Variants in RBMS3 observed in about 807,000 individuals in gnomAD.
RBMS3 encodes the protein RNA-binding motif, single-stranded-interacting protein 3.
A neutral mutation model predicts 66.8 loss-of-function variants in RBMS3; 27 were observed. The ratio of observed to expected loss-of-function variants is 0.40; its 90% CI spans 0.30 to 0.56. The LOEUF is 0.56. Ranked by LOEUF, RBMS3 falls within the 20% of genes least tolerant of loss-of-function variation. The pLI, the probability that RBMS3 is intolerant of heterozygous loss-of-function variation, is 0.40. For synonymous variants in RBMS3, 188 were observed against 183.0 expected (o/e 1.03, Z -0.22); for missense variants, 513 against 549.5 (o/e 0.93, Z 0.66).
rs929850721 is a variant in RBMS3 at position 29,391,140 on chromosome 3, C to A, written c.76-43603C>A. ...GAAACCCCAAAAAAATGGTTAGTTG[C>A]AGTTGTGTAGTAGTTAAGGTCTATG... On this transcript the variant is annotated intron_variant, in intron 1 of 14. Coordinates refer to ENST00000383767, the MANE Select transcript of RBMS3 (RefSeq NM_001003793.3). The A allele has an allele frequency of 1.9e-4, 36 of 191,810 alleles. 2 individuals carry two copies. Among genetic ancestry groups the A allele is most frequent in the Middle Eastern group, 2.4e-3 (1 of 418 alleles). The allele number at this position is 191,810 out of a possible 1,614,324, so 11.9% of individuals were successfully genotyped here.
intron 6 of RBMS3, among the ~76,000 whole-genome samples, chr3:29,810,278 T>A (rs2057693164): frequency 6.6e-6 from 1 of 152,090 alleles, no homozygotes; most frequent in Non-Finnish European, 1.5e-5. Context: ...ATTCTCTACA[T>A]CTCCAGTTAT....
At chr3:29,815,759 TATA>T (rs1428900495) in intron 6 of RBMS3, among the ~76,000 whole-genome samples, 2 of 151,502 alleles carry the variant, frequency 1.3e-5, no homozygotes, top group Non-Finnish European at 2.9e-5. Flanking sequence ...ATAAAAATGA[TATA>T]ATGGACTTCG....
intron 4 of RBMS3, among the ~76,000 whole-genome samples, chr3:29,697,681 G>A (rs1201538206): frequency 6.6e-6 from 1 of 152,156 alleles, no homozygotes; most frequent in Non-Finnish European, 1.5e-5. Context: ...TAAACACAGA[G>A]TTTGTTTATG....
rs182700082 is a variant in RBMS3, at chr3:29,448,115, A to G, written c.248+13200A>G. On this transcript the variant is annotated intron_variant, in intron 2 of 14. Transcript: ENST00000383767. ...TGACCTGCATGTCTCAACACAGAAC[A>G]GTGGTGCAATTGCACAGTGAACTCT... 2.6e-4 allele frequency among the ~76,000 whole-genome samples: 40 copies of G among 152,266 alleles called. 1 individual carries two copies. In the East Asian group the frequency reaches 7.7e-3, roughly 29 times the overall value.
intron 4 of RBMS3, among the ~76,000 whole-genome samples, chr3:29,668,116 A>G (rs1009958504): frequency 1.3e-5 from 2 of 152,252 alleles, no homozygotes; most frequent in Admixed American, 1.3e-4. Context: ...TCCAGACAGA[A>G]AAACACAAAA....
chr3:29,355,536 T>C lies in RBMS3; in HGVS notation c.75+73780T>C, dbSNP rs575454659. Among the ~76,000 whole-genome samples, 4 of 151,220 alleles carry C rather than the reference T, an allele frequency of 2.6e-5. No individual in the cohort carries two copies. In the South Asian group the frequency reaches 6.3e-4, roughly 24 times the overall value. On this transcript the variant is annotated intron_variant, in intron 1 of 14. Coordinates refer to ENST00000383767, the MANE Select transcript of RBMS3 (RefSeq NM_001003793.3). ...TTTTTAACCAAACGAGGTGATTCCT[T>C]ATGGGAAAATATATACAGCAAGAAA... is the stretch of plus-strand genomic sequence containing the variant.
At chr3:29,586,343 A>G (rs17023848) in intron 3 of RBMS3, among the ~76,000 whole-genome samples, 2,566 of 152,242 alleles carry the variant, frequency 0.017, 77 homozygotes, top group African/African-American at 0.058. Flanking sequence ...TTCACCATAT[A>G]TAGACATCCA....
In RBMS3 at chr3:29,646,684, A is replaced by T. The variant is rs551510005; in HGVS notation, c.399+59479A>T. Reference sequence around the variant, plus strand: ...TCATTTTTTCTCCTTTTTTTTTTTCATCCTAACTACAGTTTTCCCTTCTCA... The same window carrying T: ...TCATTTTTTCTCCTTTTTTTTTTTCTTCCTAACTACAGTTTTCCCTTCTCA... On this transcript the variant is annotated intron_variant, in intron 4 of 14. Coordinates refer to ENST00000383767, the MANE Select transcript of RBMS3 (RefSeq NM_001003793.3). 1.2e-4 allele frequency among the ~76,000 whole-genome samples: 17 copies of T among 140,934 alleles called. 1 individual carries two copies. Among genetic ancestry groups the T allele is most frequent in the African/African-American group, 3.2e-4 (12 of 37,822 alleles). The allele number at this position is 140,934 out of a possible 152,430, so 92.5% of individuals were successfully genotyped here.
chr3:29,541,158 T>C (rs1576169420), intron 3 of RBMS3, among the ~76,000 whole-genome samples: 1 of 152,244 alleles, frequency 6.6e-6, no homozygotes, highest in Non-Finnish European at 1.5e-5. Context: ...TAAATGAATA[T>C]AAAATATGAC....
chr3:29,504,591 C>T (rs967637444), intron 3 of RBMS3, among the ~76,000 whole-genome samples: 1 of 151,942 alleles, frequency 6.6e-6, no homozygotes, highest in South Asian at 2.1e-4. Flanking sequence ...TGATTCTATT[C>T]CCTTCAGATG....
At chr3:29,398,775 A>T (rs1418018639) in intron 1 of RBMS3, among the ~76,000 whole-genome samples, 1 of 152,168 alleles carries the variant, frequency 6.6e-6, no homozygotes, top group African/African-American at 2.4e-5. Flanking sequence ...ACATGCCATG[A>T]ATAAAACTAA....
intron 6 of RBMS3, among the ~76,000 whole-genome samples, chr3:29,810,061 A>C (rs2057685705): frequency 6.6e-6 from 1 of 152,106 alleles, no homozygotes; most frequent in South Asian, 2.1e-4. Flanking sequence ...TAAATAGGTC[A>C]TTATGGTTAG....
chr3:29,347,993 G>A (rs1406190850), intron 1 of RBMS3, among the ~76,000 whole-genome samples: 2 of 152,132 alleles, frequency 1.3e-5, no homozygotes, highest in African/African-American at 4.8e-5. Flanking sequence ...CCAGGATGCT[G>A]CATACTTGAA....
At chr3:29,472,733 A>AG (rs35448836) in intron 2 of RBMS3, among the ~76,000 whole-genome samples, 18,579 of 151,994 alleles carry the variant, frequency 0.12, 1,193 homozygotes, top group East Asian at 0.16. Context: ...TCAGGAGTGA[A>AG]GCTGCAGACC....
At chr3:29,995,524 G>A (rs1699169777) in intron 14 of RBMS3, among the ~76,000 whole-genome samples, 1 of 151,220 alleles carries the variant, frequency 6.6e-6, no homozygotes, top group East Asian at 1.9e-4. Flanking sequence ...GAAAGGTCGG[G>A]TTACCCTCAA....
intron 10 of RBMS3, among the ~76,000 whole-genome samples, chr3:29,908,731 A>T (rs1419743713): frequency 1.3e-5 from 2 of 152,168 alleles, no homozygotes; most frequent in African/African-American, 4.8e-5. Flanking sequence ...CAAATAATAA[A>T]AACAAATATT....
chr3:29,688,941 G>A (rs529795660), intron 4 of RBMS3, among the ~76,000 whole-genome samples: 4 of 152,088 alleles, frequency 2.6e-5, no homozygotes, highest in African/African-American at 7.2e-5. Context: ...AATCAGAGAG[G>A]TGGGAATTTG....
In RBMS3 at chr3:29,366,272, G is replaced by A. The variant is rs562135186; in HGVS notation, c.76-68471G>A. 6.6e-5 allele frequency among the ~76,000 whole-genome samples: 10 copies of A among 152,262 alleles called. No homozygotes were observed. In the East Asian group the frequency reaches 1.9e-3, roughly 29 times the overall value. ...TTGTTAAGTGATAGTTGTATTATCAGTGCCATGCAGACATTACCCAAACAC... is the reference window on the plus strand; with the variant it reads ...TTGTTAAGTGATAGTTGTATTATCAATGCCATGCAGACATTACCCAAACAC... On this transcript the variant is annotated intron_variant, in intron 1 of 14. Coordinates refer to ENST00000383767, the MANE Select transcript of RBMS3 (RefSeq NM_001003793.3).
At chr3:29,455,859 A>G (rs1218761380) in intron 2 of RBMS3, among the ~76,000 whole-genome samples, 1 of 152,150 alleles carries the variant, frequency 6.6e-6, no homozygotes, top group Non-Finnish European at 1.5e-5. Flanking sequence ...GATCCCAAAA[A>G]GGATACTTGT....
Sources: gnomAD v4.1 joint callset for allele counts (sites outside exome capture counted in the v4.1 genomes callset) on GRCh38, gnomAD v4.1.1 for gene constraint, MANE v1.5 for transcripts, NCBI Gene and HGNC (gene_info 2026-07-23, HGNC 2026-07-21) for gene names.